The following PECR variants were observed in gnomAD, a reference collection of about 807,000 sequenced individuals.
The protein encoded by PECR is peroxisomal trans-2-enoyl-CoA reductase, also known as 2,4-dienoyl-CoA reductase-related protein.
In PECR, 30 loss-of-function variants were observed where a neutral mutation model predicts 35.3. The ratio of observed to expected loss-of-function variants is 0.85; its 90% confidence interval spans 0.64 to 1.15. The LOEUF (loss-of-function observed/expected upper bound fraction) is 1.15, where lower values mean the gene tolerates loss of function less well. Among genes scored for constraint, PECR ranks in the 50% most tolerant of loss-of-function variants. PECR has a pLI of 0.00. For synonymous variants in PECR, 148 were observed against 138.9 expected (o/e 1.07, Z -0.46); for missense variants, 392 against 370.8 (o/e 1.06, Z -0.47).
intron 3 of PECR, among the ~76,000 whole-genome samples, chr2:216,061,129 CAAAAAAAAAAAAAAAA>C (rs151215904): frequency 1.9e-5 from 1 of 52,390 alleles, no homozygotes; most frequent in Non-Finnish European, 3.4e-5. Flanking sequence ...CCGGCTCTAC[CAAAAAAAAAAAAAAAA>C]AAAAAAAAAA....
At chr2:216,029,442 C>T (rs1694646497) in intron 7 of PECR, among the ~76,000 whole-genome samples, 2 of 149,058 alleles carry the variant, frequency 1.3e-5, no homozygotes, top group East Asian at 4.0e-4. Flanking sequence ...CACGCCACTG[C>T]ACTCCGCCTG....
At chr2:216,043,471 T>C (rs1694934728) in intron 7 of PECR, among the ~76,000 whole-genome samples, 1 of 152,090 alleles carries the variant, frequency 6.6e-6, no homozygotes, top group Non-Finnish European at 1.5e-5. Context: ...CTTCATTCAA[T>C]ATATATCTCA....
At position 216,048,732 on chromosome 2, in the gene PECR, C is replaced by T. The variant is rs957346892; in HGVS notation, c.714+531G>A. On this transcript the variant is annotated intron_variant, in intron 6 of 7. Transcript: ENST00000265322. ...AAAAAGTCATCGTCTTCATCATCGT[C>T]ATCATCATCATCCCAGCACTTTGGG... Among the ~76,000 whole-genome samples, 58 of 150,608 alleles carry T rather than the reference C, an allele frequency of 3.9e-4. 1 individual carries two copies.
At chr2:216,056,658 T>A (rs1223385019) in intron 4 of PECR, among the ~76,000 whole-genome samples, 1 of 149,014 alleles carries the variant, frequency 6.7e-6, no homozygotes, top group African/African-American at 2.5e-5. Context: ...GAGGCAGAGG[T>A]TGCAGTGAGC....
rs549474144 is a variant in PECR at position 216,039,188 on chromosome 2, T to C, written c.*87A>G. The C allele has an allele frequency of 3.8e-6, 3 of 792,764 alleles. No individual in the cohort carries two copies. The highest frequency in any genetic ancestry group is 2.8e-5 in the South Asian group (2 of 71,740). 49.1% of individuals were successfully genotyped at this position (792,764 alleles called of 1,614,324 possible). On this transcript the variant is annotated 3_prime_UTR_variant, in exon 8 of 8. Transcript: ENST00000265322. ...TTAAAAATAAGAAAAATGTTTTCCA[T>C]ACCAACTATAAGCTTTTAAAAAGTA...
At chr2:216,054,953 A>C (rs557609932) in intron 4 of PECR, among the ~76,000 whole-genome samples, 4 of 152,068 alleles carry the variant, frequency 2.6e-5, no homozygotes, top group African/African-American at 9.6e-5. Context: ...ACTACTAAAA[A>C]TACAAAAAGT....
chr2:216,077,364 G>T (rs559373796), intron 1 of PECR, among the ~76,000 whole-genome samples: 1 of 151,706 alleles, frequency 6.6e-6, no homozygotes, highest in Admixed American at 6.6e-5. Context: ...AAACTTAGCC[G>T]GGTGTGGTGG....
chr2:216,070,803 C>G (rs780153408), intron 1 of PECR, among the ~76,000 whole-genome samples: 2 of 152,172 alleles, frequency 1.3e-5, no homozygotes, highest in Non-Finnish European at 2.9e-5. Flanking sequence ...TTATTGCTAA[C>G]AGGCTTCAGA....
chr2:216,067,563 CT>C lies in PECR; in HGVS notation c.125-1046del, dbSNP rs202088759. ...GAATATATACATATTTTTTCTTTTT[CT>C]TTTTTTTTTTTGAGACGGAGTCTCA... On this transcript the variant is annotated intron_variant, in intron 1 of 7. Coordinates refer to ENST00000265322, the MANE Select transcript of PECR (RefSeq NM_018441.6). 0.019 allele frequency among the ~76,000 whole-genome samples: 2,801 copies of C among 143,666 alleles called. 170 individuals carry two copies. The East Asian group carries it at 0.21, about 11-fold the overall frequency. The allele number at this position is 143,666 out of a possible 152,430, so 94.3% of individuals were successfully genotyped here.
chr2:216,081,358 C>T (rs1252397403), intron 1 of PECR, among the ~76,000 whole-genome samples: 1 of 152,214 alleles, frequency 6.6e-6, no homozygotes, highest in Non-Finnish European at 1.5e-5. Context: ...GCATGTTTCA[C>T]TGCTCTTCTT....
intron 3 of PECR, among the ~76,000 whole-genome samples, chr2:216,063,329 G>T (rs1695396023): frequency 6.6e-6 from 1 of 152,120 alleles, no homozygotes; most frequent in African/African-American, 2.4e-5. Context: ...TCAAGATACA[G>T]AAAAATATGG....
intron 7 of PECR, among the ~76,000 whole-genome samples, chr2:216,030,810 G>T (rs1694669504): frequency 6.7e-6 from 1 of 150,036 alleles, no homozygotes; most frequent in African/African-American, 2.5e-5. Context: ...TGATCTGCCT[G>T]CCTTGGCCTT....
At chr2:216,063,013 C>A (rs923684394) in intron 3 of PECR, among the ~76,000 whole-genome samples, 1 of 152,158 alleles carries the variant, frequency 6.6e-6, no homozygotes, top group Non-Finnish European at 1.5e-5. Flanking sequence ...CAGAACAAAT[C>A]CCTGTTGTTA....
At chr2:216,069,455 G>A (rs1695543301) in intron 1 of PECR, among the ~76,000 whole-genome samples, 1 of 152,208 alleles carries the variant, frequency 6.6e-6, no homozygotes, top group Non-Finnish European at 1.5e-5. Flanking sequence ...TGTAACACTG[G>A]AAGCGAAATT....
In PECR at chr2:216,066,502, A is replaced by C. The variant is rs775211543; in HGVS notation, c.141T>G (p.Ile47Met). The change falls in exon 2 of 8, where the codon ATT becomes ATG. Residue 47 changes from isoleucine to methionine, a missense_variant. By Grantham distance (10) the Ile-to-Met change is conservative. Transcript: ENST00000265322. ...TCAATCTCTCCAACTTACGGGATGC[A>C]ATGACCACATTACTCCCTGAGGAGA... The part of the protein sequence containing the change: ...ELLELGSNVV[I>M]ASRKLERLKS... 4.3e-6 allele frequency: 7 copies of C among 1,614,088 alleles called. No homozygotes were observed. The highest frequency in any genetic ancestry group is 4.2e-6 in the Non-Finnish European group (5 of 1,179,944).
At chr2:216,046,314 T>G (rs866414909) in intron 6 of PECR, among the ~76,000 whole-genome samples, 48 of 113,170 alleles carry the variant, frequency 4.2e-4, no homozygotes, top group African/African-American at 1.7e-3. Flanking sequence ...ATATATATTT[T>G]TTTTTTTTTT....
chr2:216,071,164 G>A (rs975869720), intron 1 of PECR, among the ~76,000 whole-genome samples: 31 of 152,144 alleles, frequency 2.0e-4, no homozygotes, highest in African/African-American at 7.2e-4. Context: ...CACACCTTGA[G>A]GGCACCCACA....
chr2:216,035,822 TG>T (rs1391345166), downstream of PECR, among the ~76,000 whole-genome samples: 6 of 152,128 alleles, frequency 3.9e-5, no homozygotes, highest in Non-Finnish European at 2.9e-5. Context: ...TTAGTCCTAG[TG>T]GTGCAGGCTA....
At position 216,039,290 on chromosome 2, in the gene PECR, C is replaced by T. The variant is rs757512798; in HGVS notation, c.897G>A (p.Glu299=). ...VVKKMKETFK[E]KAKL ...TTTCCTCAGCTCAGAGCTTAGCTTT[C>T]TCCTTAAAGGTCTCCTTCATCTTTT... The change falls in exon 8 of 8, where the codon GAG becomes GAA. Residue 299 remains glutamate (E), a synonymous_variant. Coordinates refer to ENST00000265322, the MANE Select transcript of PECR (RefSeq NM_018441.6). 17 of 1,597,088 alleles carry T rather than the reference C, an allele frequency of 1.1e-5. No homozygotes were observed. The highest frequency in any genetic ancestry group is 9.9e-5 in the South Asian group (9 of 90,658).
Sources: gnomAD v4.1 joint callset for allele counts (sites outside exome capture counted in the v4.1 genomes callset) on GRCh38, gnomAD v4.1.1 for gene constraint, MANE v1.5 for transcripts, NCBI Gene and HGNC (gene_info 2026-07-23, HGNC 2026-07-21) for gene names.